DNAH17: variants seen among roughly 807,000 people sequenced by gnomAD.
DNAH17 encodes dynein axonemal heavy chain 17, also known as axonemal beta dynein heavy chain 17.
A neutral mutation model predicts 485.6 loss-of-function variants in DNAH17; 376 were observed. That is an observed-to-expected ratio of 0.77 (90% CI 0.71 to 0.84). DNAH17 has a LOEUF of 0.84. Ranked by LOEUF, DNAH17 falls within the 40% of genes least tolerant of loss-of-function variation. The probability of loss-of-function intolerance (pLI) is 0.00; values close to 1 mark genes in which losing one functional copy is unlikely to be tolerated. For missense variants in DNAH17, 6,370 were observed against 5,839.3 expected, an observed-to-expected ratio of 1.09 and a Z score of -2.96; for synonymous variants, 3,031 against 2,405.9, an observed-to-expected ratio of 1.26 and a Z score of -7.60.
intron 75 of DNAH17, among the ~76,000 whole-genome samples, chr17:78,429,961 G>A (rs1445556431): frequency 1.3e-5 from 2 of 152,182 alleles, no homozygotes; most frequent in African/African-American, 4.8e-5. Context: ...GGCTGCCCGG[G>A]CCTTAGGGAA....
At chr17:78,530,121 A>G (rs2091190387) in intron 21 of DNAH17, among the ~76,000 whole-genome samples, 1 of 152,250 alleles carries the variant, frequency 6.6e-6, no homozygotes, top group Non-Finnish European at 1.5e-5. Flanking sequence ...CGGACAGAGC[A>G]GGTGCTCGGT....
intron 74 of DNAH17, among the ~76,000 whole-genome samples, 180 bp downstream of exon 74, chr17:78,437,461 A>G (rs2086885611): frequency 6.6e-6 from 1 of 152,182 alleles, no homozygotes; most frequent in Admixed American, 6.5e-5. Context: ...AATTATTTGC[A>G]TTTTTCCGTC....
Position 78,543,985 on chromosome 17 carries a change from T to C in DNAH17, c.2404A>G (p.Asn802Asp). 1.2e-6 allele frequency: 2 copies of C among 1,614,042 alleles called. No individual in the cohort carries two copies. Among genetic ancestry groups the C allele is most frequent in the East Asian group, 2.2e-5 (1 of 44,886 alleles). ...ISQAMKDWSA[N>D]PLFERKDNKK... ...TTGTCCTTTCTTTCAAACAGCGGGT[T>C]GGCCGACCAGTCCTGGAAGGAAAGC... Residue 802 changes from asparagine to aspartate, a missense_variant, in exon 17 of 81, where the codon AAC becomes GAC. Physicochemically the swap from Asn to Asp is conservative, Grantham distance 23. Coordinates refer to ENST00000389840, the MANE Select transcript of DNAH17 (RefSeq NM_173628.4).
chr17:78,507,120 A>C (rs973966567), intron 29 of DNAH17, among the ~76,000 whole-genome samples, 158 bp downstream of exon 29: 2 of 152,042 alleles, frequency 1.3e-5, no homozygotes, highest in Non-Finnish European at 2.9e-5. Flanking sequence ...GAGGCCGGGG[A>C]GTGTGTGCTC....
chr17:78,534,767 C>T (rs931235262), intron 19 of DNAH17, among the ~76,000 whole-genome samples: 3 of 152,188 alleles, frequency 2.0e-5, no homozygotes, highest in African/African-American at 7.2e-5. Context: ...GGGGTCTCTG[C>T]CCCTTGCTGG....
chr17:78,475,856 G>T (rs553165301), intron 52 of DNAH17, 23 bp from the exon 53 acceptor site: 1 of 1,605,392 alleles, frequency 6.2e-7, no homozygotes, highest in African/African-American at 1.4e-5. Flanking sequence ...AAAAAAAGAC[G>T]ATACTTCCGG....
chr17:78,531,284 A>G (rs1351948938), intron 20 of DNAH17, among the ~76,000 whole-genome samples: 6 of 148,742 alleles, frequency 4.0e-5, no homozygotes, highest in Non-Finnish European at 8.9e-5. Context: ...TCCTTTTGTC[A>G]TTACATAGTG....
rs2092360316 is a variant in DNAH17 at position 78,571,670 on chromosome 17, C to G, written c.652G>C (p.Asp218His). The G allele has an allele frequency of 6.2e-7, 1 of 1,613,896 alleles. No individual in the cohort carries two copies. Among genetic ancestry groups the G allele is most frequent in the Non-Finnish European group, 8.5e-7 (1 of 1,179,892 alleles). Residue 218 changes from aspartate (D) to histidine (H), a missense_variant, in exon 4 of 81, where the codon GAT (aspartate) becomes CAT (histidine). Physicochemically the swap from Asp to His is moderately conservative, Grantham distance 81. Transcript: ENST00000389840. ...ACTTGGGGCAGGGGGTGCAGCCCAT[C>G]CAGCAGCGCCTGGGCTGAGTCTTTG... ...LSKDSAQALL[D>H]GLHPLPQVEF...
At position 78,475,093 on chromosome 17, in the gene DNAH17, G is replaced by T. The variant is rs1471433416; in HGVS notation, c.8511+185C>A. The stretch of plus-strand genomic sequence containing the variant: ...CACACTCTTCACCTCAGTCACACGG[G>T]CACGCACGCTGGCTGGAAGGTTTTC... On this transcript the variant is annotated intron_variant, in intron 54 of 80. Coordinates refer to ENST00000389840, the MANE Select transcript of DNAH17 (RefSeq NM_173628.4). 4.0e-5 allele frequency among the ~76,000 whole-genome samples: 6 copies of T among 151,654 alleles called. 1 individual carries two copies. The highest frequency in any genetic ancestry group is 3.4e-3 in the Middle Eastern group (1 of 290).
chr17:78,438,197 G>C (rs147772691), intron 73 of DNAH17, among the ~76,000 whole-genome samples: 68 of 151,580 alleles, frequency 4.5e-4, no homozygotes, highest in African/African-American at 1.5e-3. Flanking sequence ...TTGAAGCTGA[G>C]GGCTTCCCAC....
Position 78,459,148 on chromosome 17 carries a change from G to A in DNAH17, c.9714C>T (p.Ala3238=), listed in dbSNP as rs751286358. 5.5e-5 allele frequency: 89 copies of A among 1,613,876 alleles called. No individual in the cohort carries two copies. Among genetic ancestry groups the A allele is most frequent in the Non-Finnish European group, 6.7e-5 (79 of 1,179,916 alleles). The change falls in exon 61 of 81, where the codon GCC becomes GCT. Residue 3238 remains alanine, a synonymous_variant. Coordinates refer to ENST00000389840, the MANE Select transcript of DNAH17 (RefSeq NM_173628.4). ...TGATGCACCAGGAGCACAGGCCGGC[G>A]GCGGCCGTGGACTTGGAGCGGATGA... ...PEFIRSKSTA[A]AGLCSWCINI...
At position 78,449,505 on chromosome 17, in the gene DNAH17, G is replaced by A. The variant is rs573726111; in HGVS notation, c.11120C>T (p.Thr3707Met). ...GTAGACGGAGTAGGTGATCTCGTCC[G>A]TCAGGTTGATCACCCGCTGCTTCAC... ...NEVKQRVINLTDEITYSVYMY... is the reference protein window; with the variant it reads ...NEVKQRVINLMDEITYSVYMY... Residue 3707 changes from threonine (T) to methionine (M), a missense_variant, in exon 69 of 81, where the codon ACG becomes ATG. Coordinates refer to ENST00000389840, the MANE Select transcript of DNAH17 (RefSeq NM_173628.4). The A allele has an allele frequency of 2.1e-5, 34 of 1,588,848 alleles. No individual in the cohort carries two copies. Among genetic ancestry groups the A allele is most frequent in the South Asian group, 1.0e-4 (9 of 87,112 alleles).
chr17:78,455,527 A>G (rs537128933), intron 63 of DNAH17, 117 bp downstream of exon 63: 1 of 729,170 alleles, frequency 1.4e-6, no homozygotes, highest in South Asian at 2.4e-5. Context: ...GGGTTTCACC[A>G]TGTTGGCCAG....
rs200058116 is a variant in DNAH17 at position 78,521,186 on chromosome 17, G to A, written c.3864+3823C>T. Among the ~76,000 whole-genome samples the A allele has an allele frequency of 5.3e-5, 8 of 152,276 alleles. No individual in the cohort carries two copies. The East Asian group carries it at 9.7e-4, about 18-fold the overall frequency. On this transcript the variant is annotated intron_variant, in intron 25 of 80. Coordinates refer to ENST00000389840, the MANE Select transcript of DNAH17 (RefSeq NM_173628.4). ...TTTGGGAGGCTGAGGCAGGTGGATC[G>A]CTTGAGGTCATGAGTTCAAGACCAG...
rs2090234532 is a variant in DNAH17, at chr17:78,500,321, T to C, written c.5624A>G (p.Glu1875Gly). Residue 1875 changes from glutamate to glycine, a missense_variant, in exon 36 of 81, where the codon GAG becomes GGG. Transcript: ENST00000389840. ...GTMVYVFNCS[E>G]QMDYKSCGNI... is the part of the protein sequence containing the mutation. ...GCCGCGTACCTTGTAGTCCATCTGC[T>C]CGGAGCAGTTGAAGACGTAGACCAT... 2 of 1,611,966 alleles carry C rather than the reference T, an allele frequency of 1.2e-6. No individual in the cohort carries two copies. The highest frequency in any genetic ancestry group is 1.3e-5 in the African/African-American group (1 of 74,896).
chr17:78,430,002 G>A lies in DNAH17; in HGVS notation c.12226-702C>T, dbSNP rs74001320. On this transcript the variant is annotated intron_variant, in intron 75 of 80. Coordinates refer to ENST00000389840, the MANE Select transcript of DNAH17 (RefSeq NM_173628.4). Reference sequence around the variant, plus strand: ...ACCAAACTCGGCAGTGTGGACCAGAGCACACGCCAGGCGACCACACGCTTC... The same window carrying A: ...ACCAAACTCGGCAGTGTGGACCAGAACACACGCCAGGCGACCACACGCTTC... Among the ~76,000 whole-genome samples the A allele has an allele frequency of 8.8e-3, 1,343 of 152,306 alleles. 17 individuals are homozygous for A. Among genetic ancestry groups the A allele is most frequent in the African/African-American group, 0.031 (1,279 of 41,564 alleles).
intron 58 of DNAH17, among the ~76,000 whole-genome samples, chr17:78,461,156 C>G (rs1184691068): frequency 6.6e-6 from 1 of 152,132 alleles, no homozygotes; most frequent in African/African-American, 2.4e-5. Flanking sequence ...GAGGACCAGG[C>G]TCCAGTGAGG....
rs372376646 is a variant in DNAH17 at position 78,437,742 on chromosome 17, T to C, written c.11932A>G (p.Ile3978Val). Residue 3978 changes from isoleucine (I) to valine (V), a missense_variant, in exon 74 of 81, where the codon ATC becomes GTC. Physicochemically the swap from Ile to Val is conservative, Grantham distance 29. Transcript: ENST00000389840. ...TTCTCCAGAATGCCCTGGGGGATGA[T>C]GTGGGTCTCGGGGCTGGGGGCAGGC... ...AEPAPSPETHIIPQGILENAI... is the reference protein window; with the variant it reads ...AEPAPSPETHVIPQGILENAI... 2 of 1,612,558 alleles carry C rather than the reference T, an allele frequency of 1.2e-6. No homozygotes were observed. Among genetic ancestry groups the C allele is most frequent in the Non-Finnish European group, 1.7e-6 (2 of 1,179,754 alleles).
chr17:78,462,090 T>A (rs2146536898), intron 57 of DNAH17, among the ~76,000 whole-genome samples: 1 of 152,122 alleles, frequency 6.6e-6, no homozygotes, highest in Non-Finnish European at 1.5e-5. Flanking sequence ...GAGGATCACT[T>A]GAGCCCAGGA....
Sources: allele counts gnomAD v4.1 joint callset (sites outside exome capture counted in the v4.1 genomes callset), GRCh38; gene constraint gnomAD v4.1.1; transcripts MANE v1.5; gene names NCBI Gene and HGNC (gene_info 2026-07-23, HGNC 2026-07-21).